AFG1L: variants seen among roughly 807,000 people sequenced by gnomAD.
AFG1L encodes AFG1-like ATPase.
AFG1L carries 53 observed loss-of-function variants against 62.2 expected under a neutral mutation model. That is an observed-to-expected ratio of 0.85 (90% CI 0.68 to 1.07). The LOEUF is 1.07. AFG1L is among the 50% of genes least tolerant of loss of function. The pLI, the probability that AFG1L is intolerant of heterozygous loss-of-function variation, is 0.00. For missense variants in AFG1L, 555 were observed against 590.5 expected (o/e 0.94, Z 0.62); for synonymous variants, 228 against 210.3 (o/e 1.08, Z -0.73).
At chr6:108,416,073 A>C (rs143273216) in intron 7 of AFG1L, among the ~76,000 whole-genome samples, 1 of 152,244 alleles carries the variant, frequency 6.6e-6, no homozygotes, top group Admixed American at 6.5e-5. Context: ...ACAAATTTAC[A>C]AGAAAAAGTC....
chr6:108,509,954 T>G (rs545369148), intron 10 of AFG1L, among the ~76,000 whole-genome samples: 14 of 152,230 alleles, frequency 9.2e-5, no homozygotes, highest in Admixed American at 6.5e-4. Flanking sequence ...ATATTAGGTA[T>G]GTAGTTATGT....
chr6:108,386,475 A>G (rs566738058), intron 6 of AFG1L, among the ~76,000 whole-genome samples: 2 of 152,116 alleles, frequency 1.3e-5, no homozygotes, highest in Admixed American at 1.3e-4. Context: ...AAAAAAAAGA[A>G]AAGAAAAGAA....
At chr6:108,462,967 T>C (rs1772518170) in intron 8 of AFG1L, among the ~76,000 whole-genome samples, 1 of 152,152 alleles carries the variant, frequency 6.6e-6, no homozygotes, top group Admixed American at 6.5e-5. Context: ...TCTTTAGTTA[T>C]TTGCTGTGTT....
chr6:108,344,928 C>A (rs1778810203), intron 2 of AFG1L: 2 of 391,028 alleles, frequency 5.1e-6, no homozygotes, highest in Non-Finnish European at 1.0e-5. Flanking sequence ...CTGGACCTGA[C>A]TGCTTTCCTG....
At chr6:108,323,114 A>G (rs1777878512) in intron 1 of AFG1L, among the ~76,000 whole-genome samples, 1 of 152,188 alleles carries the variant, frequency 6.6e-6, no homozygotes, top group African/African-American at 2.4e-5. Flanking sequence ...AACAGTGGAA[A>G]ACCCTTGGGA....
At chr6:108,335,924 A>C (rs1778458831) in intron 2 of AFG1L, among the ~76,000 whole-genome samples, 1 of 152,242 alleles carries the variant, frequency 6.6e-6, no homozygotes, top group African/African-American at 2.4e-5. Flanking sequence ...TAGTAGTTTT[A>C]GAGTTTTAAG....
chr6:108,302,825 A>C lies in AFG1L; in HGVS notation c.139+7607A>C, dbSNP rs1443424322. 2.0e-5 allele frequency among the ~76,000 whole-genome samples: 3 copies of C among 152,278 alleles called. No homozygotes were observed. In the East Asian group the frequency reaches 5.8e-4, roughly 29 times the overall value. On this transcript the variant is annotated intron_variant, in intron 1 of 12. Coordinates refer to ENST00000368977, the MANE Select transcript of AFG1L (RefSeq NM_145315.5). Reference sequence around the variant, plus strand: ...ACTATTGCCGTAAGTTAAGATACTCACTAATAATTTTCAAGTTCTGGAGAA... The same window carrying C: ...ACTATTGCCGTAAGTTAAGATACTCCCTAATAATTTTCAAGTTCTGGAGAA...
At chr6:108,464,321 T>G (rs917287117) in intron 8 of AFG1L, among the ~76,000 whole-genome samples, 3 of 152,240 alleles carry the variant, frequency 2.0e-5, no homozygotes, top group African/African-American at 7.2e-5. Context: ...AGGTCTTTTT[T>G]GACATGTTCT....
chr6:108,314,460 G>A lies in AFG1L; in HGVS notation c.140-9365G>A, dbSNP rs560204556. Among the ~76,000 whole-genome samples the A allele has an allele frequency of 9.2e-4, 138 of 149,368 alleles. 1 individual carries two copies. Among genetic ancestry groups the A allele is most frequent in the Non-Finnish European group, 1.1e-3 (72 of 67,600 alleles). ...CGCCCAGGCTGGAGTGCTGTGGTGC[G>A]ATCTAGGCTCACTGCAACCTCCACC... is the stretch of plus-strand genomic sequence containing the variant. On this transcript the variant is annotated intron_variant, in intron 1 of 12. Transcript: ENST00000368977.
At chr6:108,395,130 TTTAA>T (rs1781233519) in intron 6 of AFG1L, among the ~76,000 whole-genome samples, 1 of 152,194 alleles carries the variant, frequency 6.6e-6, no homozygotes, top group Non-Finnish European at 1.5e-5. Flanking sequence ...ACCTGTAGTC[TTTAA>T]TTACCCAAAG....
At chr6:108,491,596 A>C (rs1773781765) in intron 10 of AFG1L, among the ~76,000 whole-genome samples, 1 of 152,190 alleles carries the variant, frequency 6.6e-6, no homozygotes, top group Non-Finnish European at 1.5e-5. Flanking sequence ...GAATAGATGC[A>C]TGTTATTCCG....
chr6:108,356,626 ATATGT>A, intron 4 of AFG1L, 59 bp from the exon 5 acceptor site: 2 of 1,163,094 alleles, frequency 1.7e-6, no homozygotes, highest in African/African-American at 1.6e-5. Flanking sequence ...GATTTTAAAA[ATATGT>A]TATAATTGTC....
intron 5 of AFG1L, among the ~76,000 whole-genome samples, chr6:108,358,089 C>T (rs969264212): frequency 6.6e-6 from 1 of 152,200 alleles, no homozygotes; most frequent in Admixed American, 6.5e-5. Flanking sequence ...TCTGAAGAGG[C>T]ATACTAACCA....
Position 108,296,673 on chromosome 6 carries a change from T to TG in AFG1L, c.139+1455_139+1456insG, listed in dbSNP as rs1776778369. On this transcript the variant is annotated intron_variant, in intron 1 of 12. Transcript: ENST00000368977. ...TTAGTAGCTTGGAGATCATTCCATA[T>TG]CAATACCATATCAATTTCATATGAA... 2.0e-5 allele frequency among the ~76,000 whole-genome samples: 3 copies of TG among 152,218 alleles called. No individual in the cohort carries two copies. The South Asian group carries it at 6.2e-4, about 32-fold the overall frequency.
intron 10 of AFG1L, among the ~76,000 whole-genome samples, chr6:108,482,962 G>T (rs191328348): frequency 1.1e-4 from 16 of 152,084 alleles, no homozygotes; most frequent in Non-Finnish European, 2.2e-4. Context: ...GTAGCTTCTT[G>T]TTGAGTTTTC....
At chr6:108,370,169 C>T (rs374362995) in intron 6 of AFG1L, among the ~76,000 whole-genome samples, 2 of 151,880 alleles carry the variant, frequency 1.3e-5, no homozygotes, top group African/African-American at 4.8e-5. Context: ...AACCTTTTAG[C>T]GTAATAAGGA....
chr6:108,441,123 T>C (rs1212856832), intron 7 of AFG1L, among the ~76,000 whole-genome samples: 1 of 152,192 alleles, frequency 6.6e-6, no homozygotes, highest in Non-Finnish European at 1.5e-5. Flanking sequence ...GGTTAGTATG[T>C]TATAGTTTTA....
chr6:108,318,129 G>A (rs1203273563), intron 1 of AFG1L: 1 of 173,674 alleles, frequency 5.8e-6, no homozygotes, highest in Non-Finnish European at 1.2e-5. Flanking sequence ...TGTGTGGCAT[G>A]TGCCAAGTAC....
intron 6 of AFG1L, among the ~76,000 whole-genome samples, chr6:108,385,657 AGCGCCGCTG>A (rs1780731316): frequency 6.6e-6 from 1 of 152,010 alleles, no homozygotes; most frequent in South Asian, 2.1e-4. Context: ...TAATTTCTCT[AGCGCCGCTG>A]GGTTAGGGTC....
Sources: allele counts gnomAD v4.1 joint callset (sites outside exome capture counted in the v4.1 genomes callset), GRCh38; gene constraint gnomAD v4.1.1; transcripts MANE v1.5; gene names NCBI Gene and HGNC (gene_info 2026-07-23, HGNC 2026-07-21).